Variants in LGMN observed in about 807,000 individuals in gnomAD.
LGMN encodes asparaginyl endopeptidase.
LGMN carries 36 observed loss-of-function variants against 56.8 expected under a neutral mutation model. That is an observed-to-expected ratio of 0.63 (90% CI 0.49 to 0.84). The LOEUF (loss-of-function observed/expected upper bound fraction) is 0.84. Among genes scored for constraint, LGMN ranks in the 40% least tolerant of loss-of-function variants. LGMN has a pLI of 0.00. For missense variants in LGMN, 446 were observed against 556.1 expected (o/e 0.80, Z 1.99); for synonymous variants, 199 against 210.1 (o/e 0.95, Z 0.46).
chr14:92,743,435 G>A (rs1349662125), intron 1 of LGMN, among the ~76,000 whole-genome samples: 9 of 149,924 alleles, frequency 6.0e-5, no homozygotes, highest in South Asian at 2.1e-4. Flanking sequence ...CCCGGGAGGC[G>A]GAGCTTGCAG....
chr14:92,707,943 G>A (rs1393482116), intron 11 of LGMN, among the ~76,000 whole-genome samples: 1 of 152,156 alleles, frequency 6.6e-6, no homozygotes, highest in Non-Finnish European at 1.5e-5. Context: ...CTTGAGGCCA[G>A]GAGTTTGAGA....
At position 92,706,649 on chromosome 14, in the gene LGMN, C is replaced by A. The variant is rs201178397; in HGVS notation, c.1025G>T (p.Arg342Met). The change falls in exon 12 of 14, where the codon AGG becomes ATG. Residue 342 changes from arginine to methionine, a missense_variant. Physicochemically the swap from Arg to Met is moderately conservative, Grantham distance 91. Coordinates refer to ENST00000334869, the MANE Select transcript of LGMN (RefSeq NM_005606.7). ...ACGCACTGACTTCTCAATGAGGTGC[C>A]TGGCCTGGGGAGAAACGCGGCCTGT... is the stretch of plus-strand genomic sequence containing the variant. ...TEEIQRHLDA[R>M]HLIEKSVRKI... is the part of the protein sequence containing the mutation. 3 of 1,579,308 alleles carry A rather than the reference C, an allele frequency of 1.9e-6. No individual in the cohort carries two copies. The highest frequency in any genetic ancestry group is 2.6e-6 in the Non-Finnish European group (3 of 1,153,360).
chr14:92,714,954 CCAATTTGGT>C lies in LGMN; in HGVS notation c.405-512_405-504del, dbSNP rs1889992073. ...CAGAGATGTAGTAACTTACATGAAG[CCAATTTGGT>C]TCACCCTCACAGATGTCCATCTCCA... On this transcript the variant is annotated intron_variant, in intron 5 of 13. Coordinates refer to ENST00000334869, the MANE Select transcript of LGMN (RefSeq NM_005606.7). The surrounding 1 kb of genome is among the most constrained non-coding windows in gnomAD (Gnocchi z 5.1). Among the ~76,000 whole-genome samples the C allele has an allele frequency of 6.6e-6, 1 of 151,874 alleles. No homozygotes were observed. The highest frequency in any genetic ancestry group is 2.1e-4 in the South Asian group (1 of 4,822).
intron 2 of LGMN, among the ~76,000 whole-genome samples, chr14:92,729,616 C>T (rs1038926024): frequency 6.6e-6 from 1 of 152,138 alleles, no homozygotes; most frequent in Non-Finnish European, 1.5e-5. Flanking sequence ...CCTGGTGTGC[C>T]ACTCTTCCCT....
At chr14:92,717,604 T>C (rs527562427) in intron 3 of LGMN, 143 bp from the exon 4 acceptor site, 1 of 587,780 alleles carries the variant, frequency 1.7e-6, no homozygotes, top group East Asian at 2.9e-5. Flanking sequence ...GTGGCCAACG[T>C]GTGAGTGGTT....
At chr14:92,706,764 T>A in intron 11 of LGMN, 111 bp from the exon 12 acceptor site, 5 of 968,978 alleles carry the variant, frequency 5.2e-6, no homozygotes, top group Non-Finnish European at 7.0e-6. Flanking sequence ...GCCCTCAGCC[T>A]CCCGCAGGTT....
At chr14:92,728,139 C>T (rs936081660) in intron 2 of LGMN, among the ~76,000 whole-genome samples, 3 of 152,170 alleles carry the variant, frequency 2.0e-5, no homozygotes, top group Non-Finnish European at 4.4e-5. Context: ...GCCCAGCGGT[C>T]CACGACCTTT....
chr14:92,742,869 ACT>A (rs944586182), intron 1 of LGMN: 3 of 151,390 alleles, frequency 2.0e-5, no homozygotes, highest in African/African-American at 7.3e-5. Context: ...ACATAGGGAG[ACT>A]CTGTCTCTGC....
chr14:92,707,940 C>T (rs1350726139), intron 11 of LGMN, among the ~76,000 whole-genome samples: 1 of 151,998 alleles, frequency 6.6e-6, no homozygotes, highest in Non-Finnish European at 1.5e-5. Context: ...TCACTTGAGG[C>T]CAGGAGTTTG....
chr14:92,733,212 G>T (rs2140264627), intron 1 of LGMN, among the ~76,000 whole-genome samples: 1 of 151,652 alleles, frequency 6.6e-6, no homozygotes, highest in East Asian at 1.9e-4. Flanking sequence ...CATAGTAAAT[G>T]GGTCAAAAAG....
Position 92,711,929 on chromosome 14 carries a change from T to C in LGMN, c.637A>G (p.Arg213Gly). Residue 213 changes from arginine to glycine, a missense_variant, in exon 9 of 14, where the codon AGA becomes GGA. Physicochemically the swap from Arg to Gly is moderately radical, Grantham distance 125. Coordinates refer to ENST00000334869, the MANE Select transcript of LGMN (RefSeq NM_005606.7). The stretch of plus-strand genomic sequence containing the variant: ...TAGTAACAGGCGTAGGACGACTCTC[T>C]GGGGTTGGCAGCAGTAGTTGCATAA... Reference protein sequence around the residue: ...NVYATTAANPRESSYACYYDE... With the variant: ...NVYATTAANPGESSYACYYDE... The C allele has an allele frequency of 2.5e-6, 4 of 1,614,000 alleles. No individual in the cohort carries two copies. Among genetic ancestry groups the C allele is most frequent in the Non-Finnish European group, 3.4e-6 (4 of 1,179,878 alleles).
At position 92,711,863 on chromosome 14, in the gene LGMN, C is replaced by A. The variant is rs762575227; in HGVS notation, c.703G>T (p.Val235Phe). The A allele has an allele frequency of 1.2e-6, 2 of 1,613,812 alleles. No homozygotes were observed. Among genetic ancestry groups the A allele is most frequent in the Non-Finnish European group, 1.7e-6 (2 of 1,179,662 alleles). ...ACGTCCGAATCTTCCATCCAGTTGA[C>A]GCTGTACCAGTCCCCCAGGTACGTG... The part of the protein sequence containing the change: ...RSTYLGDWYS[V>F]NWMEDSDVED... The change falls in exon 9 of 14, where the codon GTC (valine) becomes TTC (phenylalanine). Residue 235 changes from valine to phenylalanine, a missense_variant. By Grantham distance (50) the Val-to-Phe change is conservative (BLOSUM62 -1). Coordinates refer to ENST00000334869, the MANE Select transcript of LGMN (RefSeq NM_005606.7).
chr14:92,716,249 AT>A (rs1890068411), intron 4 of LGMN, 28 bp from the exon 5 acceptor site: 1 of 1,528,198 alleles, frequency 6.5e-7, no homozygotes, highest in Admixed American at 1.7e-5. Flanking sequence ...CCACAATCAG[AT>A]GCAGCTGTCG....
intron 1 of LGMN, chr14:92,733,900 C>G (rs1384396050): frequency 6.6e-6 from 1 of 152,030 alleles, no homozygotes; most frequent in African/African-American, 2.4e-5. Context: ...GGAAGACAGA[C>G]AAAATGTTAA....
chr14:92,720,404 A>C (rs1434722513), intron 2 of LGMN, among the ~76,000 whole-genome samples: 6 of 152,254 alleles, frequency 3.9e-5, no homozygotes, highest in Non-Finnish European at 7.3e-5. Context: ...ACAATGGCTC[A>C]TGCCTGTAAT....
chr14:92,736,504 G>A (rs974204922), intron 1 of LGMN, among the ~76,000 whole-genome samples: 11 of 152,158 alleles, frequency 7.2e-5, no homozygotes, highest in African/African-American at 1.4e-4. Flanking sequence ...GCTGAGGCAC[G>A]AGAATCACTT....
At chr14:92,719,281 G>T (rs1327085751) in intron 2 of LGMN, among the ~76,000 whole-genome samples, 24 of 18,098 alleles carry the variant, frequency 1.3e-3, no homozygotes, top group Non-Finnish European at 2.0e-3. Context: ...CGCCGCCACC[G>T]CCGCCGCCGC....
intron 5 of LGMN, among the ~76,000 whole-genome samples, chr14:92,715,334 G>C (rs1184564465): frequency 6.6e-6 from 1 of 152,006 alleles, no homozygotes; most frequent in Admixed American, 6.6e-5. Context: ...TTCTCCTTCA[G>C]CCACCAGAGT....
At chr14:92,730,892 T>C (rs565417092) in intron 2 of LGMN, among the ~76,000 whole-genome samples, 23 of 150,178 alleles carry the variant, frequency 1.5e-4, no homozygotes, top group Admixed American at 4.0e-4. Context: ...ATCGCGCCAC[T>C]GCACTCTAGC....
Sources: gnomAD v4.1 joint callset for allele counts (sites outside exome capture counted in the v4.1 genomes callset) on GRCh38, gnomAD v4.1.1 for gene constraint, Gnocchi (gnomAD v3.1) non-coding constraint, MANE v1.5 for transcripts, NCBI Gene and HGNC (gene_info 2026-07-23, HGNC 2026-07-21) for gene names.